The following USH2A variants were observed in gnomAD, a reference collection of about 807,000 sequenced individuals.
USH2A encodes usherin, also known as Usher syndrome 2A (autosomal recessive, mild).
USH2A carries 443 observed loss-of-function variants against 538.9 expected under a neutral mutation model. That is an observed-to-expected ratio of 0.82 (90% CI 0.76 to 0.89). The LOEUF is 0.89. Among genes scored for constraint, USH2A ranks in the 40% least tolerant of loss-of-function variants. The pLI, the probability that USH2A is intolerant of heterozygous loss-of-function variation, is 0.00. For missense variants in USH2A, 6,633 were observed against 6,324.8 expected (o/e 1.05, Z -1.65); for synonymous variants, 2,413 against 2,273.5 (o/e 1.06, Z -1.75).
intron 21 of USH2A, among the ~76,000 whole-genome samples, chr1:216,116,386 C>G (rs906975736): frequency 6.6e-6 from 1 of 151,970 alleles, no homozygotes; most frequent in Non-Finnish European, 1.5e-5. Flanking sequence ...ATTCCACTAA[C>G]TTGAAGCATT....
chr1:216,263,548 C>T (rs1227728539), intron 11 of USH2A, among the ~76,000 whole-genome samples: 1 of 152,052 alleles, frequency 6.6e-6, no homozygotes, highest in African/African-American at 2.4e-5. Flanking sequence ...AAGACAGAAA[C>T]AGCATTTGAT....
chr1:215,990,318 G>A (rs764585922), intron 35 of USH2A, among the ~76,000 whole-genome samples: 9 of 152,162 alleles, frequency 5.9e-5, no homozygotes, highest in Non-Finnish European at 1.3e-4. Context: ...CAAATATATT[G>A]CAGACACTGG....
intron 19 of USH2A, among the ~76,000 whole-genome samples, chr1:216,195,002 C>A (rs1190124653): frequency 1.3e-5 from 2 of 152,064 alleles, no homozygotes; most frequent in Non-Finnish European, 2.9e-5. Context: ...GGCAGATAGA[C>A]CCCAAGAGCT....
At chr1:216,206,826 G>A (rs556115709) in intron 16 of USH2A, among the ~76,000 whole-genome samples, 1 of 152,276 alleles carries the variant, frequency 6.6e-6, no homozygotes, top group East Asian at 1.9e-4. Flanking sequence ...AATAGGTATG[G>A]ACATCTTGTG....
intron 21 of USH2A, among the ~76,000 whole-genome samples, chr1:216,144,597 T>G (rs2102613944): frequency 6.6e-6 from 1 of 152,314 alleles, no homozygotes; most frequent in South Asian, 2.1e-4. Context: ...TGAAAATAGT[T>G]TAGTCAGGTA....
chr1:215,734,668 G>T (rs1247668817), intron 60 of USH2A, among the ~76,000 whole-genome samples: 1 of 152,152 alleles, frequency 6.6e-6, no homozygotes, highest in East Asian at 1.9e-4. Context: ...CTGCTTTGTT[G>T]CTTTGAAATT....
intron 32 of USH2A, among the ~76,000 whole-genome samples, chr1:216,009,233 C>T (rs1432151535): frequency 6.6e-6 from 1 of 152,042 alleles, no homozygotes; most frequent in Non-Finnish European, 1.5e-5. Flanking sequence ...TCTCTCTTTT[C>T]TCTGGGCTTG....
At chr1:216,222,091 A>G (rs1201895444) in intron 14 of USH2A, among the ~76,000 whole-genome samples, 3 of 152,198 alleles carry the variant, frequency 2.0e-5, no homozygotes, top group Non-Finnish European at 4.4e-5. Context: ...TATAGGGTAG[A>G]GTTTAACCAA....
At chr1:215,677,049 C>T (rs1658054846) in intron 62 of USH2A, among the ~76,000 whole-genome samples, 1 of 152,084 alleles carries the variant, frequency 6.6e-6, no homozygotes, top group Non-Finnish European at 1.5e-5. Flanking sequence ...CACTAACACC[C>T]TCTTCCCTCC....
At chr1:215,913,925 T>C (rs958449712) in intron 38 of USH2A, among the ~76,000 whole-genome samples, 1 of 152,000 alleles carries the variant, frequency 6.6e-6, no homozygotes, top group African/African-American at 2.4e-5. Flanking sequence ...TCCTTTATAA[T>C]TTATTAACCT....
chr1:215,900,982 A>G, intron 38 of USH2A, 77 bp from the exon 39 acceptor site: 1 of 1,574,952 alleles, frequency 6.3e-7, no homozygotes, highest in South Asian at 1.1e-5. Context: ...AATGCTCCAT[A>G]TACTGGAAAA....
chr1:215,953,688 G>A (rs1468017517), intron 37 of USH2A, among the ~76,000 whole-genome samples: 1 of 151,962 alleles, frequency 6.6e-6, no homozygotes, highest in Non-Finnish European at 1.5e-5. Context: ...AAAAGCAATG[G>A]CAACAAAAGC....
chr1:216,055,028 C>T (rs536809006), intron 30 of USH2A, among the ~76,000 whole-genome samples: 5 of 152,166 alleles, frequency 3.3e-5, no homozygotes, highest in Non-Finnish European at 4.4e-5. Context: ...AGTATTTCCA[C>T]GTTAGCAAAG....
intron 61 of USH2A, among the ~76,000 whole-genome samples, chr1:215,701,039 G>A (rs1658998631): frequency 6.6e-6 from 1 of 152,072 alleles, no homozygotes; most frequent in Admixed American, 6.6e-5. Context: ...ATGAACGTAT[G>A]TATTTTTGCT....
chr1:216,061,867 C>T (rs2031197333), intron 30 of USH2A, among the ~76,000 whole-genome samples: 1 of 152,198 alleles, frequency 6.6e-6, no homozygotes, highest in Non-Finnish European at 1.5e-5. Context: ...CTCTACCAAA[C>T]ACTGGGAAGA....
intron 16 of USH2A, chr1:216,201,936 T>C (rs2035010285): frequency 6.5e-6 from 1 of 153,180 alleles, no homozygotes; most frequent in Non-Finnish European, 1.5e-5. Context: ...AAGGATCATA[T>C]TTGGAAAAGT....
intron 38 of USH2A, among the ~76,000 whole-genome samples, chr1:215,902,627 AG>A (rs943088448): frequency 5.7e-4 from 87 of 152,290 alleles, no homozygotes; most frequent in African/African-American, 2.0e-3. Flanking sequence ...GAAGGTAAAA[AG>A]AATTGGGCAG....
chr1:215,659,795 C>T (rs1657387169), intron 64 of USH2A, among the ~76,000 whole-genome samples: 1 of 152,120 alleles, frequency 6.6e-6, no homozygotes, highest in African/African-American at 2.4e-5. Flanking sequence ...GGAATTTGTG[C>T]TCCTGATAGA....
intron 38 of USH2A, among the ~76,000 whole-genome samples, chr1:215,908,838 T>C (rs1375656987): frequency 6.6e-6 from 1 of 151,658 alleles, no homozygotes; most frequent in African/African-American, 2.4e-5. Context: ...TAAACGTTGA[T>C]GAATGCTCTA....
Sources: allele counts gnomAD v4.1 joint callset (sites outside exome capture counted in the v4.1 genomes callset), GRCh38; gene constraint gnomAD v4.1.1; transcripts MANE v1.5; gene names NCBI Gene and HGNC (gene_info 2026-07-23, HGNC 2026-07-21).